BRINP3: variants seen among roughly 807,000 people sequenced by gnomAD.
BRINP3 encodes the protein BMP/retinoic acid-inducible neural-specific protein 3.
BRINP3 carries 19 observed loss-of-function variants against 71.0 expected under a neutral mutation model. That is an observed-to-expected ratio of 0.27 (90% CI 0.19 to 0.39). The LOEUF (loss-of-function observed/expected upper bound fraction) is 0.39, where lower values mean the gene tolerates loss of function less well. BRINP3 is among the 10% of genes least tolerant of loss of function. The pLI is 1.00. For synonymous variants in BRINP3, 380 were observed against 337.7 expected (o/e 1.13, Z -1.37); for missense variants, 959 against 940.8 (o/e 1.02, Z -0.25).
chr1:190,384,994 G>T (rs946443056), intron 2 of BRINP3, among the ~76,000 whole-genome samples: 2 of 146,572 alleles, frequency 1.4e-5, no homozygotes, highest in African/African-American at 4.9e-5. Flanking sequence ...AATAAATGGT[G>T]CTGGGAAAAC....
At chr1:190,311,369 GT>G (rs774979703) in intron 2 of BRINP3, among the ~76,000 whole-genome samples, 6 of 151,582 alleles carry the variant, frequency 4.0e-5, no homozygotes, top group Non-Finnish European at 8.9e-5. Flanking sequence ...TGAGGAGAAT[GT>G]TTATGAAACA....
At chr1:190,175,091 A>G (rs1200613289) in intron 6 of BRINP3, among the ~76,000 whole-genome samples, 2 of 152,154 alleles carry the variant, frequency 1.3e-5, no homozygotes, top group Non-Finnish European at 2.9e-5. Context: ...GTGTATAAGA[A>G]AAGTGTTCCA....
intron 4 of BRINP3, among the ~76,000 whole-genome samples, chr1:190,258,499 A>T (rs1406599267): frequency 4.6e-5 from 7 of 152,230 alleles, no homozygotes; most frequent in Non-Finnish European, 8.8e-5. Flanking sequence ...TTGAAAAAAA[A>T]GTTTACCTTG....
chr1:190,109,678 C>A (rs1476654213), intron 7 of BRINP3, among the ~76,000 whole-genome samples: 1 of 152,238 alleles, frequency 6.6e-6, no homozygotes, highest in East Asian at 1.9e-4. Context: ...CAATGAGGAT[C>A]TGGATGGAAC....
At chr1:190,204,053 T>G (rs1655275559) in intron 6 of BRINP3, among the ~76,000 whole-genome samples, 1 of 151,524 alleles carries the variant, frequency 6.6e-6, no homozygotes, top group African/African-American at 2.4e-5. Flanking sequence ...TTAAAACATT[T>G]GGGCATATAG....
intron 2 of BRINP3, among the ~76,000 whole-genome samples, chr1:190,396,649 CAG>C (rs1465741692): frequency 6.8e-6 from 1 of 146,878 alleles, no homozygotes. Context: ...AAACATAAAA[CAG>C]AGCATCAAAC....
chr1:190,412,759 T>C (rs1016475527), intron 2 of BRINP3, among the ~76,000 whole-genome samples: 9 of 152,122 alleles, frequency 5.9e-5, no homozygotes, highest in Non-Finnish European at 1.3e-4. Context: ...TGTAGTACTT[T>C]AATTACTACT....
chr1:190,468,977 T>C (rs1676950171), intron 1 of BRINP3, among the ~76,000 whole-genome samples: 1 of 150,992 alleles, frequency 6.6e-6, no homozygotes, highest in Non-Finnish European at 1.5e-5. Flanking sequence ...ATGCTGTCTT[T>C]GAGTTACTCC....
chr1:190,308,835 C>G (rs1410665175), intron 2 of BRINP3, among the ~76,000 whole-genome samples: 2 of 151,810 alleles, frequency 1.3e-5, no homozygotes, highest in Non-Finnish European at 2.9e-5. Flanking sequence ...GTTAATATTT[C>G]TAAAGTTACA....
At chr1:190,457,597 G>A (rs1008239347) in intron 1 of BRINP3, among the ~76,000 whole-genome samples, 1 of 152,154 alleles carries the variant, frequency 6.6e-6, no homozygotes, top group Admixed American at 6.6e-5. Flanking sequence ...TAAAAATAGA[G>A]TGAGTTAATA....
chr1:190,262,080 G>T (rs1661231062), intron 4 of BRINP3, among the ~76,000 whole-genome samples: 1 of 152,090 alleles, frequency 6.6e-6, no homozygotes, highest in Non-Finnish European at 1.5e-5. Flanking sequence ...AAAAATAAAA[G>T]ATACTCTCCA....
chr1:190,446,197 C>T (rs1675210105), intron 2 of BRINP3, among the ~76,000 whole-genome samples: 1 of 151,968 alleles, frequency 6.6e-6, no homozygotes, highest in Non-Finnish European at 1.5e-5. Flanking sequence ...AAAATTAAAA[C>T]GTATTATATG....
chr1:190,276,777 A>T (rs1190804622), intron 3 of BRINP3, among the ~76,000 whole-genome samples: 1 of 151,346 alleles, frequency 6.6e-6, no homozygotes, highest in African/African-American at 2.4e-5. Context: ...CAATGAAGAG[A>T]ATTTTTTTTG....
chr1:190,125,422 TA>T (rs1557988644), intron 7 of BRINP3, among the ~76,000 whole-genome samples: 1 of 151,888 alleles, frequency 6.6e-6, no homozygotes, highest in African/African-American at 2.4e-5. Flanking sequence ...TACAATGCTT[TA>T]AAACATATTT....
intron 2 of BRINP3, among the ~76,000 whole-genome samples, chr1:190,413,842 A>T (rs1672843093): frequency 6.6e-6 from 1 of 152,244 alleles, no homozygotes; most frequent in African/African-American, 2.4e-5. Context: ...TTATATTGTT[A>T]ATTTTAAAAG....
intron 1 of BRINP3, among the ~76,000 whole-genome samples, chr1:190,469,828 G>T (rs761976900): frequency 1.5e-4 from 23 of 150,968 alleles, no homozygotes; most frequent in Non-Finnish European, 3.1e-4. Flanking sequence ...GTATTATATA[G>T]AACCCAATCA....
At chr1:190,340,017 A>G (rs542827136) in intron 2 of BRINP3, among the ~76,000 whole-genome samples, 11 of 152,000 alleles carry the variant, frequency 7.2e-5, no homozygotes, top group Admixed American at 2.0e-4. Context: ...TACACTTACT[A>G]CCTATGACTG....
intron 4 of BRINP3, among the ~76,000 whole-genome samples, chr1:190,251,604 T>G (rs183844298): frequency 6.6e-6 from 1 of 152,040 alleles, no homozygotes; most frequent in East Asian, 1.9e-4. Context: ...AAGGAGATAC[T>G]TCTGTCAAAC....
intron 2 of BRINP3, among the ~76,000 whole-genome samples, chr1:190,386,737 T>C (rs1415373081): frequency 4.6e-5 from 7 of 152,044 alleles, no homozygotes; most frequent in African/African-American, 1.7e-4. Flanking sequence ...CTTACTCTTC[T>C]GTAAAATAAA....
Sources: gnomAD v4.1 joint callset for allele counts (sites outside exome capture counted in the v4.1 genomes callset) on GRCh38, gnomAD v4.1.1 for gene constraint, MANE v1.5 for transcripts, NCBI Gene and HGNC (gene_info 2026-07-23, HGNC 2026-07-21) for gene names.